TRMT11: variants seen among roughly 807,000 people sequenced by gnomAD.
The protein encoded by TRMT11 is tRNA methyltransferase 11, also known as tRNA (guanine(10)-N(2))-methyltransferase TRMT11.
TRMT11 carries 53 observed loss-of-function variants against 62.8 expected under a neutral mutation model. That is an observed-to-expected ratio of 0.84 (90% CI 0.68 to 1.06). TRMT11 has a LOEUF of 1.06. Ranked by LOEUF, TRMT11 falls within the 50% of genes least tolerant of loss-of-function variation. TRMT11 has a pLI of 0.00. For synonymous variants in TRMT11, 188 were observed against 190.3 expected (o/e 0.99, Z 0.10); for missense variants, 556 against 553.4 (o/e 1.00, Z -0.05).
intron 17 of TRMT11, among the ~76,000 whole-genome samples, chr6:126,059,718 C>A (rs1182581416): frequency 2.0e-5 from 3 of 152,088 alleles, no homozygotes; most frequent in Non-Finnish European, 4.4e-5. Flanking sequence ...GGGATTTGAA[C>A]CTATATCTGA....
chr6:126,049,068 C>T (rs1267128945), intron 16 of TRMT11, among the ~76,000 whole-genome samples: 1 of 152,208 alleles, frequency 6.6e-6, no homozygotes, highest in Non-Finnish European at 1.5e-5. Flanking sequence ...ATACTTCCTG[C>T]CATCCACAGG....
At chr6:126,108,341 T>C (rs1388284376) in intron 17 of TRMT11, among the ~76,000 whole-genome samples, 4 of 152,254 alleles carry the variant, frequency 2.6e-5, no homozygotes, top group African/African-American at 9.6e-5. Flanking sequence ...TGTGCCTTTG[T>C]GATGTGAACT....
chr6:126,151,806 T>TTTTCTTTCTTTCTTTCTTTAGTTTCC (rs1554242192), intron 21 of TRMT11, among the ~76,000 whole-genome samples: 3,330 of 86,948 alleles, frequency 0.038, 260 homozygotes, highest in African/African-American at 0.064. Flanking sequence ...CCTCTCTGTC[T>TTTTCTTTCTTTCTTTCTTTAGTTTCC]TTTCTTTCTT....
intron 21 of TRMT11, among the ~76,000 whole-genome samples, chr6:126,154,528 T>G (rs1444607944): frequency 6.6e-6 from 1 of 152,216 alleles, no homozygotes; most frequent in Non-Finnish European, 1.5e-5. Context: ...CTCTTGAGGT[T>G]CTGTTATGCT....
intron 21 of TRMT11, among the ~76,000 whole-genome samples, chr6:126,118,887 A>G (rs1777617685): frequency 6.6e-6 from 1 of 152,114 alleles, no homozygotes; most frequent in Admixed American, 6.6e-5. Context: ...TTGTAAAGCT[A>G]AATTGCATAT....
chr6:126,089,905 T>C (rs748541741), intron 17 of TRMT11, among the ~76,000 whole-genome samples: 2 of 152,224 alleles, frequency 1.3e-5, no homozygotes, highest in Non-Finnish European at 2.9e-5. Context: ...ATAAGGAAAT[T>C]ATAGACTACA....
At chr6:126,133,481 C>G (rs1426641115) in intron 21 of TRMT11, among the ~76,000 whole-genome samples, 2 of 151,906 alleles carry the variant, frequency 1.3e-5, no homozygotes, top group Non-Finnish European at 2.9e-5. Context: ...CCTGCTATGC[C>G]CATAAAAGTT....
chr6:126,161,570 G>T (rs1778190695), intron 21 of TRMT11, among the ~76,000 whole-genome samples: 1 of 152,156 alleles, frequency 6.6e-6, no homozygotes, highest in South Asian at 2.1e-4. Context: ...ATATTAGAAT[G>T]ATTTATAATC....
At chr6:126,201,064 G>A (rs183162759) in intron 3 of TRMT11, among the ~76,000 whole-genome samples, 16 of 152,236 alleles carry the variant, frequency 1.1e-4, no homozygotes, top group South Asian at 2.1e-4. Context: ...AATCCAAAGC[G>A]TACTCCCTGC....
At chr6:126,123,898 T>C (rs1777678548) in intron 21 of TRMT11, among the ~76,000 whole-genome samples, 1 of 152,064 alleles carries the variant, frequency 6.6e-6, no homozygotes, top group African/African-American at 2.4e-5. Context: ...TGTTGTACTT[T>C]TTGAGTTTTT....
intron 21 of TRMT11, among the ~76,000 whole-genome samples, chr6:126,142,994 G>C (rs957679233): frequency 2.6e-5 from 4 of 152,012 alleles, no homozygotes; most frequent in Non-Finnish European, 4.4e-5. Flanking sequence ...AGATATATAA[G>C]CCATTTCCTT....
chr6:126,206,470 T>A (rs1778793187), downstream of TRMT11, among the ~76,000 whole-genome samples: 1 of 152,226 alleles, frequency 6.6e-6, no homozygotes, highest in South Asian at 2.1e-4. Context: ...GTTGCTCCAC[T>A]TTAGTTCACA....
rs77737049 is a variant in TRMT11 at position 126,186,819 on chromosome 6, G to A, written n.143+9484G>A. 5.0e-3 allele frequency among the ~76,000 whole-genome samples: 763 copies of A among 151,978 alleles called. 8 individuals carry two copies. The highest frequency in any genetic ancestry group is 0.017 in the African/African-American group (721 of 41,486). On this transcript the variant is annotated intron_variant and non_coding_transcript_variant, in intron 1 of 3. Coordinates refer to the TRMT11 transcript ENST00000444229. ...TCGTGACCTTTAGTTTTCTGATCAC[G>A]AGAGCTCATGAAGTGCTGGGTAAAA...
chr6:126,021,604 G>C (rs534932463), intron 12 of TRMT11, among the ~76,000 whole-genome samples: 2 of 152,152 alleles, frequency 1.3e-5, no homozygotes, highest in African/African-American at 4.8e-5. Flanking sequence ...CAATGTCCTA[G>C]TTACCATTTT....
intron 21 of TRMT11, among the ~76,000 whole-genome samples, chr6:126,127,034 A>T (rs1223056633): frequency 6.6e-6 from 1 of 152,174 alleles, no homozygotes; most frequent in East Asian, 1.9e-4. Flanking sequence ...AAAATCAAAT[A>T]TAATTCAAGG....
intron 17 of TRMT11, among the ~76,000 whole-genome samples, chr6:126,084,223 T>G (rs1777189242): frequency 6.6e-6 from 1 of 152,042 alleles, no homozygotes. Flanking sequence ...TGTATAAGAG[T>G]TCCCTTTTTT....
chr6:126,039,863 G>A (rs1027403109), downstream of TRMT11, among the ~76,000 whole-genome samples: 1 of 151,928 alleles, frequency 6.6e-6, no homozygotes, highest in Non-Finnish European at 1.5e-5. Flanking sequence ...GTATTAATGT[G>A]CACAGCTTAG....
At chr6:126,229,858 T>C in the TRMT11 span, among the ~76,000 whole-genome samples, 1 of 152,302 alleles carries the variant, frequency 6.6e-6, no homozygotes, top group Non-Finnish European at 1.5e-5. Flanking sequence ...TTATATTATG[T>C]AGTCTTAAAA....
chr6:126,089,993 G>A (rs1009326902), intron 17 of TRMT11, among the ~76,000 whole-genome samples: 15 of 152,166 alleles, frequency 9.9e-5, no homozygotes, highest in African/African-American at 3.6e-4. Flanking sequence ...ATGCCTCTGT[G>A]ATGTGCACAT....
Sources: allele counts gnomAD v4.1 joint callset (sites outside exome capture counted in the v4.1 genomes callset), GRCh38; gene constraint gnomAD v4.1.1; transcripts MANE v1.5; gene names NCBI Gene and HGNC (gene_info 2026-07-23, HGNC 2026-07-21).